Variants in ZNF66 observed in about 807,000 individuals in gnomAD.
ZNF66 encodes the protein putative zinc finger protein 66.
Under a neutral mutation model 35.2 loss-of-function variants are expected in ZNF66, and 32 were observed. The ratio of observed to expected loss-of-function variants is 0.91; its 90% CI spans 0.69 to 1.22. ZNF66 has a LOEUF of 1.22. Among genes scored for constraint, ZNF66 ranks in the 50% most tolerant of loss-of-function variants. The pLI is 0.00. For synonymous variants in ZNF66, 231 were observed against 181.3 expected (o/e 1.27, Z -2.20); for missense variants, 666 against 543.1 (o/e 1.23, Z -2.25).
intron 1 of ZNF66, among the ~76,000 whole-genome samples, chr19:20,782,540 T>C (rs1395570437): frequency 6.6e-6 from 1 of 152,212 alleles, no homozygotes; most frequent in Non-Finnish European, 1.5e-5. Context: ...GCATCTGTTA[T>C]TTTTTGACTT....
At chr19:20,789,230 C>A (rs1317749035) in intron 1 of ZNF66, among the ~76,000 whole-genome samples, 1 of 152,114 alleles carries the variant, frequency 6.6e-6, no homozygotes, top group East Asian at 1.9e-4. Flanking sequence ...ACTGCAGTGG[C>A]ATAGAGGGAA....
rs1971511586 is a variant in ZNF66 at position 20,806,486 on chromosome 19, T to A, written c.886T>A (p.Tyr296Asn). 4 of 1,518,862 alleles carry A rather than the reference T, an allele frequency of 2.6e-6. No homozygotes were observed. In the South Asian group the frequency reaches 3.4e-5, roughly 13 times the overall value. The allele number at this position is 1,518,862 out of a possible 1,614,324, so 94.1% of individuals were successfully genotyped here. The change falls in exon 4 of 4, where the codon TAC becomes AAC. Residue 296 changes from tyrosine (Y) to asparagine (N), a missense_variant. By Grantham distance (143) the Tyr-to-Asn change is moderately radical. Coordinates refer to ENST00000344519, the MANE Select transcript of ZNF66 (RefSeq NM_001355197.2). ...KCEECGKVFKYLSSLSTHKII... is the reference protein window; with the variant it reads ...KCEECGKVFKNLSSLSTHKII... ...TGAAGAATGTGGCAAAGTTTTTAAG[T>A]ACCTTTCTTCCCTTTCTACACATAA...
At chr19:20,786,927 A>G (rs1017551758) in intron 1 of ZNF66, among the ~76,000 whole-genome samples, 1 of 152,038 alleles carries the variant, frequency 6.6e-6, no homozygotes, top group African/African-American at 2.4e-5. Flanking sequence ...ATGACCAGCT[A>G]ATTTTGTATT....
At chr19:20,789,130 A>G (rs1022798224) in intron 1 of ZNF66, among the ~76,000 whole-genome samples, 4 of 152,176 alleles carry the variant, frequency 2.6e-5, no homozygotes, top group African/African-American at 9.6e-5. Context: ...TAAAGTTGAC[A>G]GGGCAGTGGC....
At chr19:20,795,656 T>C (rs1441740057) in intron 3 of ZNF66, among the ~76,000 whole-genome samples, 2 of 152,224 alleles carry the variant, frequency 1.3e-5, no homozygotes, top group Admixed American at 6.5e-5. Flanking sequence ...TGTGAGGCAC[T>C]GTACCCTGCC....
At chr19:20,803,121 C>T (rs75439694) in intron 3 of ZNF66, among the ~76,000 whole-genome samples, 511 of 114,894 alleles carry the variant, frequency 4.4e-3, no homozygotes, top group South Asian at 8.0e-3. Flanking sequence ...CATTAGATCT[C>T]AACTGACTCT....
At chr19:20,793,332 C>CTTTTCTTTTCTTTTTTTTT (rs1555782697) in intron 2 of ZNF66, among the ~76,000 whole-genome samples, 1 of 84,610 alleles carries the variant, frequency 1.2e-5, no homozygotes, top group Non-Finnish European at 2.2e-5. Flanking sequence ...CTTTTCTTTT[C>CTTTTCTTTTCTTTTTTTTT]TTTTTTTTTT....
intron 1 of ZNF66, among the ~76,000 whole-genome samples, chr19:20,786,651 A>G (rs1971289745): frequency 8.5e-6 from 1 of 117,840 alleles, no homozygotes; most frequent in African/African-American, 3.1e-5. Context: ...ATTAAAATAA[A>G]AGTGCAGTTA....
Position 20,808,524 on chromosome 19 carries a change from C to G in ZNF66, c.*1202C>G, listed in dbSNP as rs1173689125. On this transcript the variant is annotated 3_prime_UTR_variant, in exon 4 of 4. Coordinates refer to ENST00000344519, the MANE Select transcript of ZNF66 (RefSeq NM_001355197.2). The stretch of plus-strand genomic sequence containing the variant: ...TTCCAGAGGACCGATCAGGCAGCAG[C>G]ATTTGTGGTTCATGAAAATCCGCTG... 6.6e-6 allele frequency among the ~76,000 whole-genome samples: 1 copy of G among 152,182 alleles called. No individual in the cohort carries two copies. Among genetic ancestry groups the G allele is most frequent in the Non-Finnish European group, 1.5e-5 (1 of 68,038 alleles).
At chr19:20,783,727 C>T (rs1026040237) in intron 1 of ZNF66, among the ~76,000 whole-genome samples, 1 of 152,174 alleles carries the variant, frequency 6.6e-6, no homozygotes, top group Non-Finnish European at 1.5e-5. Flanking sequence ...ACTGCAAATG[C>T]AAGAACAGTT....
chr19:20,802,948 T>A (rs1971463347), intron 3 of ZNF66, among the ~76,000 whole-genome samples: 1 of 152,144 alleles, frequency 6.6e-6, no homozygotes, highest in African/African-American at 2.4e-5. Context: ...AAGCCCTTCT[T>A]TGCCTTCTTG....
rs1057230331 is a variant in ZNF66, at chr19:20,800,135, G to T, written c.227-5692G>T. On this transcript the variant is annotated intron_variant, in intron 3 of 3. Coordinates refer to ENST00000344519, the MANE Select transcript of ZNF66 (RefSeq NM_001355197.2). ...GGGCTCAAGTGATCCTTTCACCTCAGTTTTTTGAGTAGCTAGGACTACAGA... is the reference window on the plus strand; with the variant it reads ...GGGCTCAAGTGATCCTTTCACCTCATTTTTTTGAGTAGCTAGGACTACAGA... 4.6e-5 allele frequency among the ~76,000 whole-genome samples: 7 copies of T among 152,272 alleles called. No homozygotes were observed. The East Asian group carries it at 1.4e-3, about 29-fold the overall frequency.
chr19:20,800,173 T>C (rs570427826), intron 3 of ZNF66, among the ~76,000 whole-genome samples: 326 of 152,284 alleles, frequency 2.1e-3, no homozygotes, highest in Non-Finnish European at 3.9e-3. Flanking sequence ...TGCACTACCA[T>C]GTCTGGCTAA....
Position 20,805,877 on chromosome 19 carries a change from GATTCTT to G in ZNF66, c.278_283del (p.Asp93_Phe95delinsVal), listed in dbSNP as rs1407934487. The G allele has an allele frequency of 1.5e-6, 1 of 651,314 alleles. No homozygotes were observed. The highest frequency in any genetic ancestry group is 2.8e-6 in the Non-Finnish European group (1 of 359,310). The allele number at this position is 651,314 out of a possible 1,614,324, so 40.3% of individuals were successfully genotyped here. A position where few individuals can be genotyped will look rare whatever the true frequency, so the allele number is the denominator to read the frequency against. On this transcript the variant is annotated inframe_deletion, in exon 4 of 4. Transcript: ENST00000344519. ...CCTTTGGCCAGAGCAGAGCATAAAA[GATTCTT>G]TCCAAAAACTGATACTGAGAAGGCA...
intron 1 of ZNF66, among the ~76,000 whole-genome samples, chr19:20,782,095 C>T (rs1971250849): frequency 6.6e-6 from 1 of 152,114 alleles, no homozygotes; most frequent in Non-Finnish European, 1.5e-5. Flanking sequence ...GGCGTTACCA[C>T]ACCTGGCCAA....
At chr19:20,785,565 G>A (rs557699793) in intron 1 of ZNF66, among the ~76,000 whole-genome samples, 1 of 152,268 alleles carries the variant, frequency 6.6e-6, no homozygotes, top group South Asian at 2.1e-4. Context: ...TCTTCTACTT[G>A]TGGACTAATT....
intron 3 of ZNF66, chr19:20,799,396 AG>A: frequency 6.6e-6 from 1 of 152,118 alleles, no homozygotes; most frequent in Non-Finnish European, 1.5e-5. Flanking sequence ...TTTATAAATG[AG>A]GAATATTTAT....
At chr19:20,780,615 C>G (rs1015322869) in intron 1 of ZNF66, among the ~76,000 whole-genome samples, 2 of 152,038 alleles carry the variant, frequency 1.3e-5, no homozygotes, top group Non-Finnish European at 2.9e-5. Context: ...TGTCAGAATT[C>G]AAATGTTAGA....
chr19:20,801,644 C>T (rs966289261), intron 3 of ZNF66, among the ~76,000 whole-genome samples: 1 of 152,006 alleles, frequency 6.6e-6, no homozygotes, highest in Non-Finnish European at 1.5e-5. Context: ...TGCATCCGGC[C>T]TCATGTATTT....
Sources: allele counts gnomAD v4.1 joint callset (sites outside exome capture counted in the v4.1 genomes callset), GRCh38; gene constraint gnomAD v4.1.1; transcripts MANE v1.5; gene names NCBI Gene and HGNC (gene_info 2026-07-23, HGNC 2026-07-21).